The following IKBKE variants were observed in gnomAD, a reference collection of about 807,000 sequenced individuals.
IKBKE encodes the protein inhibitor of nuclear factor kappa-B kinase subunit epsilon.
In IKBKE, 45 loss-of-function variants were observed where a neutral mutation model predicts 92.1. That is an observed-to-expected ratio of 0.49 (90% CI 0.38 to 0.63). The LOEUF is 0.63. IKBKE is among the 20% of genes least tolerant of loss of function. The pLI, the probability that IKBKE is intolerant of heterozygous loss-of-function variation, is 0.00. For synonymous variants in IKBKE, 374 were observed against 380.3 expected (o/e 0.98, Z 0.19); for missense variants, 700 against 932.8 (o/e 0.75, Z 3.25).
chr1:206,471,287 G>A (rs1664760391), intron 2 of IKBKE, 42 bp downstream of exon 2: 1 of 152,408 alleles, frequency 6.6e-6, no homozygotes, highest in African/African-American at 2.4e-5. Context: ...GGAGGGAGGG[G>A]AGGGGAGAGG....
chr1:206,486,034 A>C (rs1665640939), intron 15 of IKBKE, among the ~76,000 whole-genome samples: 1 of 152,226 alleles, frequency 6.6e-6, no homozygotes, highest in Non-Finnish European at 1.5e-5. Flanking sequence ...CCTCAATTCT[A>C]AATTCAAACA....
Position 206,480,524 on chromosome 1 carries a change from G to A in IKBKE, c.1418G>A (p.Gly473Glu), listed in dbSNP as rs2103464305. 1 of 1,613,132 alleles carries A rather than the reference G, an allele frequency of 6.2e-7. No individual in the cohort carries two copies. Among genetic ancestry groups the A allele is most frequent in the Middle Eastern group, 1.7e-4 (1 of 6,060 alleles). ...CTCCTCTACCTCAGCAGCAGCCTGG[G>A]AACTGAGAGGTGGGTGTTCGCCTCA... Reference protein sequence around the residue: ...TSLLYLSSSLGTERFSSVAGT... With the variant: ...TSLLYLSSSLETERFSSVAGT... Residue 473 changes from glycine (G) to glutamate (E), a missense_variant, in exon 13 of 22, where the codon GGA (glycine) becomes GAA (glutamate). Gly to Glu is a moderately conservative substitution (Grantham distance 98). Coordinates refer to ENST00000581977, the MANE Select transcript of IKBKE (RefSeq NM_014002.4).
chr1:206,492,284 C>G (rs1665984192), intron 18 of IKBKE: 1 of 374,462 alleles, frequency 2.7e-6, no homozygotes, highest in Non-Finnish European at 5.5e-6. Flanking sequence ...TCCGCCTTCT[C>G]AGATCAGGCC....
At chr1:206,486,273 A>G (rs1665653589) in intron 15 of IKBKE, among the ~76,000 whole-genome samples, 1 of 152,128 alleles carries the variant, frequency 6.6e-6, no homozygotes, top group Non-Finnish European at 1.5e-5. Context: ...CTCAATTCAG[A>G]GCACATTTGG....
intron 7 of IKBKE, among the ~76,000 whole-genome samples, chr1:206,477,448 GGGGCCATGCATAGCAT>G (rs1205377582): frequency 1.3e-5 from 2 of 152,168 alleles, no homozygotes; most frequent in Non-Finnish European, 2.9e-5. Context: ...AGAGGATACT[GGGGCCATGCATAGCAT>G]GGGCAAAGGT....
intron 17 of IKBKE, chr1:206,491,121 G>A (rs192839437): frequency 4.8e-4 from 265 of 556,306 alleles, no homozygotes; most frequent in African/African-American, 4.2e-3. Flanking sequence ...TTTTTCTCTA[G>A]TTGTCCTCAC....
Position 206,491,706 on chromosome 1 carries a change from C to A in IKBKE, c.1792C>A (p.Gln598Lys), listed in dbSNP as rs200241005. 1.1e-4 allele frequency: 177 copies of A among 1,613,604 alleles called. No individual in the cohort carries two copies. The highest frequency in any genetic ancestry group is 1.4e-4 in the Non-Finnish European group (165 of 1,179,694). ...GCAGGTGTTCCAGGAGGAGTGCGTGCAGAAGTATCAAGCGTCCTTAGTCAC... is the reference window on the plus strand; with the variant it reads ...GCAGGTGTTCCAGGAGGAGTGCGTGAAGAAGTATCAAGCGTCCTTAGTCAC... ...LLQVFQEECV[Q>K]KYQASLVTHG... The change falls in exon 18 of 22, where the codon CAG becomes AAG. Residue 598 changes from glutamine to lysine, a missense_variant. Transcript: ENST00000581977.
chr1:206,481,955 A>G lies in IKBKE; in HGVS notation c.1427+1422A>G, dbSNP rs996168469. 2.0e-5 allele frequency among the ~76,000 whole-genome samples: 3 copies of G among 150,816 alleles called. No individual in the cohort carries two copies. In the South Asian group the frequency reaches 6.3e-4, roughly 32 times the overall value. Reference sequence around the variant, plus strand: ...CCACTACGCCCGGCTAATTTTTTGTATTTTTAGTAGAGACGGGGTTTCACC... The same window carrying G: ...CCACTACGCCCGGCTAATTTTTTGTGTTTTTAGTAGAGACGGGGTTTCACC... On this transcript the variant is annotated intron_variant, in intron 13 of 21. Coordinates refer to ENST00000581977, the MANE Select transcript of IKBKE (RefSeq NM_014002.4).
chr1:206,481,819 G>A (rs1282275205), intron 13 of IKBKE, among the ~76,000 whole-genome samples: 6 of 120,656 alleles, frequency 5.0e-5, no homozygotes, highest in Admixed American at 1.1e-4. Context: ...TCGCTCTGTC[G>A]CCCAGGCTGG....
chr1:206,478,237 A>G lies in IKBKE; in HGVS notation c.890A>G (p.Gln297Arg). 1 of 1,614,206 alleles carries G rather than the reference A, an allele frequency of 6.2e-7. No individual in the cohort carries two copies. Among genetic ancestry groups the G allele is most frequent in the Non-Finnish European group, 8.5e-7 (1 of 1,180,040 alleles). The change falls in exon 9 of 22, where the codon CAG (glutamine) becomes CGG (arginine). Residue 297 changes from glutamine to arginine, a missense_variant. By Grantham distance (43) the Gln-to-Arg change is conservative. Transcript: ENST00000581977. The surrounding 1 kb of genome is among the most constrained non-coding windows in gnomAD (Gnocchi z 4.8). ...VEQAKCWGFD[Q>R]FFAETSDILQ... The stretch of plus-strand genomic sequence containing the variant: ...CAGGCCAAGTGCTGGGGCTTCGACC[A>G]GTTCTTTGCGGAGACCAGTGACATC...
At chr1:206,491,414 C>G in intron 17 of IKBKE, 1 of 460,890 alleles carries the variant, frequency 2.2e-6, no homozygotes, top group South Asian at 2.1e-5. Context: ...TGAGGACCCC[C>G]TGTGTGTCTC....
In IKBKE at chr1:206,476,225, G is replaced by A. The variant is rs1211870723; in HGVS notation, c.403G>A (p.Asp135Asn). The A allele has an allele frequency of 1.9e-6, 3 of 1,614,034 alleles. No homozygotes were observed. Among genetic ancestry groups the A allele is most frequent in the Non-Finnish European group, 1.7e-6 (2 of 1,180,024 alleles). Residue 135 changes from aspartate (D) to asparagine (N), a missense_variant, in exon 6 of 22, where the codon GAC (aspartate) becomes AAC (asparagine). Coordinates refer to ENST00000581977, the MANE Select transcript of IKBKE (RefSeq NM_014002.4). This position sits in a 1 kb window ranked among gnomAD's most constrained non-coding sequence, Gnocchi z 5.1. ...HLRENGIVHR[D>N]IKPGNIMRLV... ...GCGGGAGAACGGCATTGTGCATCGC[G>A]ACATCAAGCCGGGGAACATCATGCG...
intron 7 of IKBKE, among the ~76,000 whole-genome samples, chr1:206,477,077 AG>A (rs1241883497): frequency 6.6e-6 from 1 of 152,170 alleles, no homozygotes; most frequent in Admixed American, 6.5e-5. Flanking sequence ...GCTTCACTCT[AG>A]CCCTCTGCTC....
rs781973712 is a variant in IKBKE, at chr1:206,479,866, G to T, written c.1184-4G>T. 5.0e-6 allele frequency: 8 copies of T among 1,613,854 alleles called. No homozygotes were observed. In the South Asian group the frequency reaches 8.8e-5, roughly 18 times the overall value. ...GGCCCCTCAGACAGGGTCTTTGTCT[G>T]CAGCTGCTCTGGACGTCCCCAAGTT... is the stretch of plus-strand genomic sequence containing the variant. On this transcript the variant is annotated splice_polypyrimidine_tract_variant and splice_region_variant and intron_variant, in intron 10 of 21. Transcript: ENST00000581977.
At chr1:206,482,458 T>TCTGGCGTC (rs1349831429) in intron 13 of IKBKE, among the ~76,000 whole-genome samples, 1 of 152,220 alleles carries the variant, frequency 6.6e-6, no homozygotes, top group African/African-American at 2.4e-5. Flanking sequence ...CTGGCCTGGG[T>TCTGGCGTC]CTGGCGTCCT....
intron 13 of IKBKE, among the ~76,000 whole-genome samples, chr1:206,483,992 G>A (rs888940560): frequency 7.2e-5 from 11 of 151,744 alleles, no homozygotes; most frequent in African/African-American, 2.7e-4. Flanking sequence ...GTCTCACTGT[G>A]TTGGCCAGGC....
chr1:206,477,809 C>G lies in IKBKE; in HGVS notation c.762C>G (p.Asn254Lys). 6.4e-7 allele frequency: 1 copy of G among 1,561,360 alleles called. No individual in the cohort carries two copies. The highest frequency in any genetic ancestry group is 8.7e-7 in the Non-Finnish European group (1 of 1,153,006). Residue 254 changes from asparagine to lysine, a missense_variant, in exon 8 of 22, where the codon AAC becomes AAG. Asn to Lys is a moderately conservative substitution (Grantham distance 94). Transcript: ENST00000581977. ...GAIAGAQRRENGPLEWSYTLP... is the reference protein window; with the variant it reads ...GAIAGAQRREKGPLEWSYTLP... ...TTGCAGGTGCCCAGAGGCGGGAGAA[C>G]GGGCCCCTGGAGTGGAGCTACACCC...
chr1:206,485,130 A>T lies in IKBKE; in HGVS notation c.1503+58A>T, dbSNP rs879960100. On this transcript the variant is annotated intron_variant, in intron 14 of 21. Transcript: ENST00000581977. This position sits in a 1 kb window ranked among gnomAD's most constrained non-coding sequence, Gnocchi z 5.0. The stretch of plus-strand genomic sequence containing the variant: ...GATCAGAGCTGGGGGCCCGTGTTCC[A>T]GCCAGCCTGCCCACCAGTGCCCAGG... The T allele has an allele frequency of 4.4e-6, 7 of 1,590,600 alleles. No homozygotes were observed. The South Asian group carries it at 6.6e-5, about 15-fold the overall frequency.
Position 206,494,094 on chromosome 1 carries a change from A to T in IKBKE, c.2117+103A>T, listed in dbSNP as rs200858229. ...AGCCTGCCCATGCAGGTTTGATGACACGTGTCCATTTTCGAAGAAGCCCTG... is the reference window on the plus strand; with the variant it reads ...AGCCTGCCCATGCAGGTTTGATGACTCGTGTCCATTTTCGAAGAAGCCCTG... On this transcript the variant is annotated intron_variant, in intron 21 of 21. Transcript: ENST00000581977. 3.2e-5 allele frequency: 30 copies of T among 930,696 alleles called. No individual in the cohort carries two copies. In the East Asian group the frequency reaches 7.5e-4, roughly 23 times the overall value. The allele number at this position is 930,696 out of a possible 1,614,324, so 57.7% of individuals were successfully genotyped here. A position where few individuals can be genotyped will look rare whatever the true frequency, so the allele number is the denominator to read the frequency against.
Sources: allele counts gnomAD v4.1 joint callset (sites outside exome capture counted in the v4.1 genomes callset), GRCh38; gene constraint gnomAD v4.1.1; non-coding constraint Gnocchi (gnomAD v3.1); transcripts MANE v1.5; gene names NCBI Gene and HGNC (gene_info 2026-07-23, HGNC 2026-07-21).